Variants in PRKACB observed in about 807,000 individuals in gnomAD.
PRKACB encodes protein kinase cAMP-activated catalytic subunit beta, also known as cAMP-dependent protein kinase catalytic subunit beta.
In PRKACB, 16 loss-of-function variants were observed where a neutral mutation model predicts 51.4. The ratio of observed to expected loss-of-function variants is 0.31; its 90% CI spans 0.21 to 0.47. The LOEUF (loss-of-function observed/expected upper bound fraction) is 0.47, where lower values mean the gene tolerates loss of function less well. Among genes scored for constraint, PRKACB ranks in the 20% least tolerant of loss-of-function variants. The pLI, the probability that PRKACB is intolerant of heterozygous loss-of-function variation, is 1.00. For synonymous variants in PRKACB, 147 were observed against 154.4 expected (o/e 0.95, Z 0.35); for missense variants, 309 against 464.5 (o/e 0.67, Z 3.08).
chr1:84,220,030 T>G (rs1159806668), intron 9 of PRKACB, among the ~76,000 whole-genome samples: 1 of 152,108 alleles, frequency 6.6e-6, no homozygotes, highest in Non-Finnish European at 1.5e-5. Flanking sequence ...ATCTGTAAAT[T>G]TATTTGCATA....
rs146415209 is a variant in PRKACB at position 84,153,533 on chromosome 1, C to A, written c.187+8985C>A. Among the ~76,000 whole-genome samples, 666 of 152,238 alleles carry A rather than the reference C, an allele frequency of 4.4e-3. 4 individuals are homozygous for A. The highest frequency in any genetic ancestry group is 7.3e-3 in the Non-Finnish European group (499 of 68,004). ...CATCCTGTCTAAGTGAAATTTTGTACCCTTTAGCCAACATCTCCTAAATCT... is the reference window on the plus strand; with the variant it reads ...CATCCTGTCTAAGTGAAATTTTGTAACCTTTAGCCAACATCTCCTAAATCT... On this transcript the variant is annotated intron_variant, in intron 1 of 9. Coordinates refer to ENST00000370685, the MANE Select transcript of PRKACB (RefSeq NM_182948.4).
intron 1 of PRKACB, among the ~76,000 whole-genome samples, chr1:84,172,935 TA>T (rs1487227306): frequency 6.6e-6 from 1 of 151,770 alleles, no homozygotes; most frequent in Non-Finnish European, 1.5e-5. Context: ...TCCAATCCAA[TA>T]AACTGTACAA....
At chr1:84,097,562 A>G (rs1356138854) in intron 1 of PRKACB, among the ~76,000 whole-genome samples, 1 of 152,006 alleles carries the variant, frequency 6.6e-6, no homozygotes, top group Non-Finnish European at 1.5e-5. Flanking sequence ...TTACATACAT[A>G]TATACTTATT....
At chr1:84,195,458 T>A (rs1442353552) in intron 5 of PRKACB, among the ~76,000 whole-genome samples, 1 of 152,188 alleles carries the variant, frequency 6.6e-6, no homozygotes, top group Non-Finnish European at 1.5e-5. Context: ...GGTTGTTCAC[T>A]GAGGAAACAA....
intron 1 of PRKACB, among the ~76,000 whole-genome samples, chr1:84,149,136 A>AT (rs982928777): frequency 5.3e-5 from 8 of 152,172 alleles, no homozygotes; most frequent in African/African-American, 1.9e-4. Context: ...ACTGGAGAAA[A>AT]TTTTGAAACT....
At chr1:84,229,081 C>A (rs1379334238) in intron 9 of PRKACB, among the ~76,000 whole-genome samples, 7 of 122,794 alleles carry the variant, frequency 5.7e-5, no homozygotes, top group African/African-American at 2.2e-4. Context: ...TCCCTCCCCC[C>A]TCCCCCCACC....
chr1:84,113,492 A>G (rs1412828865), intron 1 of PRKACB, among the ~76,000 whole-genome samples: 4 of 152,218 alleles, frequency 2.6e-5, no homozygotes, highest in African/African-American at 4.8e-5. Context: ...TCAGATTGCC[A>G]TACCCAGCAA....
chr1:84,213,255 G>T (rs770560744), intron 8 of PRKACB, among the ~76,000 whole-genome samples: 16 of 152,050 alleles, frequency 1.1e-4, no homozygotes, highest in Admixed American at 3.3e-4. Context: ...AGGTGGTAGT[G>T]ATGACAAAAA....
chr1:84,194,196 C>A (rs1667576250), intron 5 of PRKACB, among the ~76,000 whole-genome samples: 1 of 152,142 alleles, frequency 6.6e-6, no homozygotes, highest in Non-Finnish European at 1.5e-5. Flanking sequence ...CACACCTGAA[C>A]CTGTTCTCAA....
intron 7 of PRKACB, among the ~76,000 whole-genome samples, chr1:84,200,834 A>T (rs542482951): frequency 1.3e-5 from 2 of 152,190 alleles, no homozygotes; most frequent in Admixed American, 1.3e-4. Context: ...AGTTGAAATC[A>T]TAGTAAATAT....
In PRKACB at chr1:84,238,162, A is replaced by C. The variant is rs905431655; in HGVS notation, c.*2857A>C. 1 of 152,208 alleles carries C rather than the reference A, an allele frequency of 6.6e-6. No individual in the cohort carries two copies. The highest frequency in any genetic ancestry group is 2.1e-4 in the South Asian group (1 of 4,816). 9.4% of individuals were successfully genotyped at this position (152,208 alleles called of 1,614,324 possible). ...AAACTGTCAACCTACCAAAAACGAT[A>C]TTGTGGCTTATGGGTATTGCTGTCT... is the stretch of plus-strand genomic sequence containing the variant. On this transcript the variant is annotated 3_prime_UTR_variant, in exon 10 of 10. Coordinates refer to ENST00000370685, the MANE Select transcript of PRKACB (RefSeq NM_182948.4).
At chr1:84,163,721 A>G (rs1656590946) in intron 1 of PRKACB, among the ~76,000 whole-genome samples, 1 of 152,032 alleles carries the variant, frequency 6.6e-6, no homozygotes, top group Non-Finnish European at 1.5e-5. Context: ...CCATGAAATC[A>G]TTGTTTTTGA....
At chr1:84,109,973 C>T (rs1403766452) in intron 1 of PRKACB, among the ~76,000 whole-genome samples, 1 of 151,522 alleles carries the variant, frequency 6.6e-6, no homozygotes, top group African/African-American at 2.4e-5. Context: ...ATGGCTTTTG[C>T]CTTTGGTATC....
At chr1:84,217,163 C>A (rs937861919) in intron 9 of PRKACB, among the ~76,000 whole-genome samples, 37 of 152,238 alleles carry the variant, frequency 2.4e-4, no homozygotes, top group African/African-American at 7.7e-4. Flanking sequence ...AAAGGAAGAG[C>A]AGTTTGGTGA....
intron 9 of PRKACB, 97 bp from the exon 10 acceptor site, chr1:84,235,083 C>A (rs11163923): frequency 7.7e-7 from 1 of 1,304,624 alleles, no homozygotes; most frequent in Non-Finnish European, 1.1e-6. Flanking sequence ...AGGATTTCAC[C>A]GTGTAATAAC....
At chr1:84,110,021 A>G (rs898376316) in intron 1 of PRKACB, among the ~76,000 whole-genome samples, 7 of 151,736 alleles carry the variant, frequency 4.6e-5, no homozygotes, top group Non-Finnish European at 1.0e-4. Flanking sequence ...CAGCTTTTTC[A>G]TTCTGCTCTG....
intron 1 of PRKACB, among the ~76,000 whole-genome samples, chr1:84,172,833 T>A (rs1339600461): frequency 6.6e-6 from 1 of 151,704 alleles, no homozygotes; most frequent in Non-Finnish European, 1.5e-5. Flanking sequence ...TAACTTTCAT[T>A]GCCTATTAAA....
chr1:84,090,501 C>T (rs1425064139), intron 1 of PRKACB, among the ~76,000 whole-genome samples: 2 of 152,200 alleles, frequency 1.3e-5, no homozygotes, highest in African/African-American at 4.8e-5. Flanking sequence ...GCTATCTTAG[C>T]TCTGCTAATA....
intron 1 of PRKACB, among the ~76,000 whole-genome samples, chr1:84,165,426 AT>A (rs1368690920): frequency 6.6e-6 from 1 of 151,774 alleles, no homozygotes; most frequent in Non-Finnish European, 1.5e-5. Flanking sequence ...TTTTTATTAG[AT>A]TTTTTAAATA....
Sources: gnomAD v4.1 joint callset for allele counts (sites outside exome capture counted in the v4.1 genomes callset) on GRCh38, gnomAD v4.1.1 for gene constraint, MANE v1.5 for transcripts, NCBI Gene and HGNC (gene_info 2026-07-23, HGNC 2026-07-21) for gene names.